The following GOT2 variants were observed in gnomAD, a reference collection of about 807,000 sequenced individuals.
GOT2 encodes the protein aspartate aminotransferase, mitochondrial.
In GOT2, 17 loss-of-function variants were observed where a neutral mutation model predicts 50.0. That is an observed-to-expected ratio of 0.34 (90% CI 0.23 to 0.51). The LOEUF (loss-of-function observed/expected upper bound fraction) is 0.51. Among genes scored for constraint, GOT2 ranks in the 20% least tolerant of loss-of-function variants. GOT2 has a pLI of 0.97. For synonymous variants in GOT2, 172 were observed against 204.9 expected, an observed-to-expected ratio of 0.84 and a Z score of 1.37; for missense variants, 430 against 559.6, an observed-to-expected ratio of 0.77 and a Z score of 2.34.
intron 9 of GOT2, 98 bp downstream of exon 9, chr16:58,709,319 A>G (rs2044627527): frequency 9.3e-7 from 1 of 1,072,824 alleles, no homozygotes; most frequent in South Asian, 1.7e-5. Flanking sequence ...AAAAAACCCG[A>G]AAACATTAAA....
intron 8 of GOT2, among the ~76,000 whole-genome samples, chr16:58,710,852 C>T (rs1373964705): frequency 6.6e-6 from 1 of 150,866 alleles, no homozygotes; most frequent in Non-Finnish European, 1.5e-5. Flanking sequence ...CCTGTAGTCT[C>T]AGCTGCTGGG....
In GOT2 at chr16:58,717,324, C is replaced by T. The variant is rs78791669; in HGVS notation, c.703-511G>A. Among the ~76,000 whole-genome samples, 3,809 of 151,924 alleles carry T rather than the reference C, an allele frequency of 0.025. 227 individuals carry two copies. In the East Asian group the frequency reaches 0.26, roughly 11 times the overall value. On this transcript the variant is annotated intron_variant, in intron 6 of 9. Transcript: ENST00000245206. ...CCCTGGAGGTAGAGGCTGCTGTGAG[C>T]TGTGACTGTGCCACTGCGTTCTGGC...
chr16:58,721,334 G>A (rs1222075336), intron 3 of GOT2, among the ~76,000 whole-genome samples: 1 of 152,094 alleles, frequency 6.6e-6, no homozygotes, highest in African/African-American at 2.4e-5. Context: ...CAATGTGCAC[G>A]AGTTCACATG....
chr16:58,719,977 G>A (rs1005340692), intron 3 of GOT2, among the ~76,000 whole-genome samples: 2 of 151,992 alleles, frequency 1.3e-5, no homozygotes, highest in African/African-American at 2.4e-5. Flanking sequence ...CGAGGTGGAC[G>A]TATCACCTGA....
intron 8 of GOT2, among the ~76,000 whole-genome samples, chr16:58,710,737 CCGGGCGGA>C (rs1567484805): frequency 2.5e-4 from 10 of 40,064 alleles, no homozygotes; most frequent in Admixed American, 1.1e-3. Flanking sequence ...AAAAAATTAG[CCGGGCGGA>C]TCACGAGGTC....
intron 1 of GOT2, among the ~76,000 whole-genome samples, chr16:58,731,224 C>G (rs1027455596): frequency 3.9e-5 from 6 of 152,068 alleles, no homozygotes; most frequent in African/African-American, 1.4e-4. Flanking sequence ...CAACTCTTCA[C>G]CTCTCAAGCG....
intron 1 of GOT2, among the ~76,000 whole-genome samples, chr16:58,731,714 CAA>C (rs1448774315): frequency 6.6e-6 from 1 of 152,100 alleles, no homozygotes; most frequent in Non-Finnish European, 1.5e-5. Flanking sequence ...CTTGAACTTA[CAA>C]AGAGTTCCAC....
chr16:58,714,430 T>C (rs2152094287), intron 8 of GOT2, among the ~76,000 whole-genome samples: 1 of 151,426 alleles, frequency 6.6e-6, no homozygotes, highest in East Asian at 2.0e-4. Context: ...CGGGCGCCTG[T>C]AGTCCCAGGT....
At chr16:58,715,939 G>T in intron 8 of GOT2, 75 bp downstream of exon 8, 1 of 1,157,866 alleles carries the variant, frequency 8.6e-7, no homozygotes, top group Non-Finnish European at 1.2e-6. Context: ...TATCACTAGA[G>T]GTCAATTAAA....
At position 58,734,287 on chromosome 16, in the gene GOT2, A is replaced by G. The variant is rs529425902; in HGVS notation, c.-59T>C. 1.4e-4 allele frequency: 132 copies of G among 925,968 alleles called. 2 individuals carry two copies. In the South Asian group the frequency reaches 6.0e-3, roughly 42 times the overall value. The allele number at this position is 925,968 out of a possible 1,614,324, so 57.4% of individuals were successfully genotyped here. A position where few individuals can be genotyped will look rare whatever the true frequency, so the allele number is the denominator to read the frequency against. On this transcript the variant is annotated 5_prime_UTR_variant, in exon 1 of 10. Transcript: ENST00000245206. ...GACGGAGCAGAGGGCGAGCGGACAC[A>G]CACACAGGGAACCGGCTCCTGCTGA... is the stretch of plus-strand genomic sequence containing the variant.
intron 4 of GOT2, 75 bp downstream of exon 4, chr16:58,719,121 G>T: frequency 9.6e-7 from 1 of 1,040,998 alleles, no homozygotes; most frequent in Non-Finnish European, 1.5e-6. Context: ...TGCATCAACA[G>T]TCAAATACAC....
At chr16:58,713,756 T>C (rs1241842720) in intron 8 of GOT2, among the ~76,000 whole-genome samples, 1 of 152,230 alleles carries the variant, frequency 6.6e-6, no homozygotes, top group African/African-American at 2.4e-5. Flanking sequence ...ACAGGCATCA[T>C]GGTTTTATGA....
chr16:58,719,763 T>A (rs926027748), intron 3 of GOT2, among the ~76,000 whole-genome samples: 8 of 151,938 alleles, frequency 5.3e-5, no homozygotes, highest in Admixed American at 1.3e-4. Flanking sequence ...TCAAAAAAAA[T>A]AAATAAATAA....
intron 1 of GOT2, among the ~76,000 whole-genome samples, chr16:58,726,510 T>TATTTATTTATTTATTTA (rs1555509479): frequency 6.6e-6 from 1 of 151,016 alleles, no homozygotes; most frequent in African/African-American, 2.4e-5. Flanking sequence ...TTTATTTATT[T>TATTTATTTATTTATTTA]TTGAGACGGA....
chr16:58,728,524 G>C (rs1021215677), intron 1 of GOT2, among the ~76,000 whole-genome samples: 4 of 152,190 alleles, frequency 2.6e-5, no homozygotes, highest in Non-Finnish European at 5.9e-5. Context: ...AGTATGTAGA[G>C]AATTCAAGGA....
chr16:58,722,336 T>C (rs1322346686), intron 2 of GOT2, 58 bp from the exon 3 acceptor site: 1 of 1,532,444 alleles, frequency 6.5e-7, no homozygotes, highest in African/African-American at 1.4e-5. Flanking sequence ...ATTACTATGA[T>C]TAATGTTTAA....
intron 1 of GOT2, among the ~76,000 whole-genome samples, chr16:58,724,738 G>C (rs1027019983): frequency 6.6e-6 from 1 of 151,622 alleles, no homozygotes; most frequent in East Asian, 2.0e-4. Context: ...ACGGGGTTTC[G>C]CCATGTTGGC....
intron 1 of GOT2, among the ~76,000 whole-genome samples, chr16:58,733,721 C>T (rs1440181818): frequency 1.3e-5 from 2 of 152,138 alleles, no homozygotes; most frequent in Admixed American, 1.3e-4. Flanking sequence ...GGCCCACCGA[C>T]TCGGGCGGGC....
At chr16:58,712,595 C>G (rs2044658399) in intron 8 of GOT2, among the ~76,000 whole-genome samples, 1 of 152,100 alleles carries the variant, frequency 6.6e-6, no homozygotes. Flanking sequence ...TTATAACCAC[C>G]CTGAGGGTAG....
Sources: allele counts gnomAD v4.1 joint callset (sites outside exome capture counted in the v4.1 genomes callset), GRCh38; gene constraint gnomAD v4.1.1; transcripts MANE v1.5; gene names NCBI Gene and HGNC (gene_info 2026-07-23, HGNC 2026-07-21).